LRRC37A3: variants seen among roughly 807,000 people sequenced by gnomAD.
LRRC37A3 encodes leucine rich repeat containing 37 member A3.
A neutral mutation model predicts 106.2 loss-of-function variants in LRRC37A3; 25 were observed. The ratio of observed to expected loss-of-function variants is 0.24; its 90% CI spans 0.17 to 0.33. LRRC37A3 has a LOEUF of 0.33. LRRC37A3 is among the 10% of genes least tolerant of loss of function. The probability of loss-of-function intolerance (pLI) is 1.00; values close to 1 mark genes in which losing one functional copy is unlikely to be tolerated. For synonymous variants in LRRC37A3, 305 were observed against 635.8 expected (o/e 0.48, Z 7.83); for missense variants, 712 against 1,644.9 (o/e 0.43, Z 9.81).
At chr17:64,899,847 T>G (rs2143583880) in intron 2 of LRRC37A3, 1 of 150,964 alleles carries the variant, frequency 6.6e-6, no homozygotes, top group East Asian at 1.9e-4. Flanking sequence ...TCTCCAAACT[T>G]CAAATAAGGG....
intron 11 of LRRC37A3, 144 bp from the exon 12 acceptor site, chr17:64,861,117 C>T: frequency 1.4e-6 from 2 of 1,385,718 alleles, no homozygotes; most frequent in Non-Finnish European, 2.0e-6. Context: ...ACACTCAATC[C>T]TAAACCTATG....
chr17:64,873,924 T>A (rs1973409491), intron 8 of LRRC37A3, among the ~76,000 whole-genome samples: 1 of 151,988 alleles, frequency 6.6e-6, no homozygotes, highest in Admixed American at 6.5e-5. Context: ...TGAAAAACAA[T>A]CTGCATATTC....
chr17:64,872,210 CAAAAA>C (rs60703427), intron 8 of LRRC37A3, among the ~76,000 whole-genome samples: 2 of 61,862 alleles, frequency 3.2e-5, no homozygotes, highest in Admixed American at 1.8e-4. Flanking sequence ...AAAAAATAGC[CAAAAA>C]AAAAAAAAAA....
At chr17:64,913,553 T>C (rs1188746010) in intron 2 of LRRC37A3, among the ~76,000 whole-genome samples, 1 of 151,364 alleles carries the variant, frequency 6.6e-6, no homozygotes, top group African/African-American at 2.4e-5. Flanking sequence ...TTGTCCGGTC[T>C]GGACTCGAAC....
intron 1 of LRRC37A3, 137 bp downstream of exon 1, chr17:64,919,294 C>G: frequency 1.8e-6 from 1 of 542,144 alleles, no homozygotes. Flanking sequence ...GGAAAGCGGC[C>G]GGGAAGGGGC....
chr17:64,864,830 A>C (rs1445166674), intron 10 of LRRC37A3, among the ~76,000 whole-genome samples: 1 of 152,024 alleles, frequency 6.6e-6, no homozygotes, highest in Non-Finnish European at 1.5e-5. Context: ...ATTGTGTTGC[A>C]GAGGTTGTGG....
intron 8 of LRRC37A3, among the ~76,000 whole-genome samples, chr17:64,876,114 C>T (rs569104435): frequency 4.6e-5 from 7 of 152,272 alleles, no homozygotes; most frequent in Admixed American, 4.6e-4. Flanking sequence ...AAGCAATCCT[C>T]CTTCCTTGGC....
intron 2 of LRRC37A3, among the ~76,000 whole-genome samples, chr17:64,915,251 A>ACT (rs1974679496): frequency 6.8e-6 from 1 of 147,978 alleles, no homozygotes; most frequent in South Asian, 2.1e-4. Flanking sequence ...AAATATGTAC[A>ACT]CTCTACCTTA....
chr17:64,874,229 C>A (rs1973419845), intron 8 of LRRC37A3, among the ~76,000 whole-genome samples: 1 of 152,258 alleles, frequency 6.6e-6, no homozygotes, highest in Non-Finnish European at 1.5e-5. Flanking sequence ...AAAACCCTGT[C>A]TCTACAAAAA....
intron 8 of LRRC37A3, among the ~76,000 whole-genome samples, chr17:64,883,547 C>A (rs1443853788): frequency 6.6e-6 from 1 of 151,948 alleles, no homozygotes; most frequent in African/African-American, 2.4e-5. Flanking sequence ...AGGTTAGGCT[C>A]TATTCATCAT....
chr17:64,909,675 A>AG (rs1974540051), intron 2 of LRRC37A3: 2 of 152,514 alleles, frequency 1.3e-5, no homozygotes, highest in African/African-American at 4.8e-5. Context: ...AACTGATGCA[A>AG]GGGAAGCAAA....
At chr17:64,879,678 A>G (rs1249321272) in intron 8 of LRRC37A3, among the ~76,000 whole-genome samples, 2 of 152,104 alleles carry the variant, frequency 1.3e-5, no homozygotes, top group African/African-American at 4.8e-5. Flanking sequence ...TTTTTTTGGC[A>G]TGAAAACTTG....
intron 8 of LRRC37A3, among the ~76,000 whole-genome samples, chr17:64,869,483 C>T (rs576408775): frequency 8.6e-5 from 13 of 150,966 alleles, no homozygotes; most frequent in Non-Finnish European, 1.3e-4. Context: ...GCCCTGACTG[C>T]GGAGGAAACA....
At chr17:64,910,631 T>TC (rs1336595493) in intron 2 of LRRC37A3, among the ~76,000 whole-genome samples, 179 of 125,780 alleles carry the variant, frequency 1.4e-3, no homozygotes, top group African/African-American at 2.3e-3. Context: ...AGTAACATTG[T>TC]CCCCCCTTTT....
chr17:64,893,932 G>A (rs1292587157), intron 4 of LRRC37A3, among the ~76,000 whole-genome samples: 13 of 148,652 alleles, frequency 8.7e-5, no homozygotes, highest in South Asian at 2.1e-4. Flanking sequence ...GATTACAGGC[G>A]TGAGCCACCA....
At chr17:64,876,379 C>G (rs1253160698) in intron 8 of LRRC37A3, among the ~76,000 whole-genome samples, 1 of 152,052 alleles carries the variant, frequency 6.6e-6, no homozygotes, top group Non-Finnish European at 1.5e-5. Flanking sequence ...GAGATAAGCT[C>G]TCAGTATGTT....
rs532247576 is a variant in LRRC37A3, at chr17:64,865,778, G to T, written c.3053+2684C>A. ...TCATATTATCATTGTCTACTATGCG[G>T]TCCGTATACACATTTTCACAATTGT... On this transcript the variant is annotated intron_variant, in intron 10 of 14. Coordinates refer to ENST00000584306, the MANE Select transcript of LRRC37A3 (RefSeq NM_199340.5). Among the ~76,000 whole-genome samples, 58 of 152,274 alleles carry T rather than the reference G, an allele frequency of 3.8e-4. 1 individual carries two copies. In the South Asian group the frequency reaches 1.0e-2, roughly 26 times the overall value.
chr17:64,914,373 A>T (rs1974658578), intron 2 of LRRC37A3, among the ~76,000 whole-genome samples: 2 of 150,908 alleles, frequency 1.3e-5, no homozygotes, highest in African/African-American at 4.9e-5. Context: ...AGCCTGGCCA[A>T]CATGGTGAAA....
intron 8 of LRRC37A3, among the ~76,000 whole-genome samples, chr17:64,876,182 T>C (rs1408513677): frequency 1.3e-5 from 2 of 152,086 alleles, no homozygotes; most frequent in African/African-American, 4.8e-5. Flanking sequence ...AAACATTTTG[T>C]TTTTTTACTG....
Sources: gnomAD v4.1 joint callset for allele counts (sites outside exome capture counted in the v4.1 genomes callset) on GRCh38, gnomAD v4.1.1 for gene constraint, MANE v1.5 for transcripts, NCBI Gene and HGNC (gene_info 2026-07-23, HGNC 2026-07-21) for gene names.